Variants in GALNT13 observed in about 807,000 individuals in gnomAD.
The protein encoded by GALNT13 is UDP-GalNAc:polypeptide N-acetylgalactosaminyltransferase 13.
GALNT13 carries 28 observed loss-of-function variants against 64.2 expected under a neutral mutation model. The ratio of observed to expected loss-of-function variants is 0.44; its 90% CI spans 0.32 to 0.60. GALNT13 has a LOEUF of 0.60. Ranked by LOEUF, GALNT13 falls within the 20% of genes least tolerant of loss-of-function variation. The pLI, the probability that GALNT13 is intolerant of heterozygous loss-of-function variation, is 0.05. For synonymous variants in GALNT13, 214 were observed against 224.6 expected, an observed-to-expected ratio of 0.95 and a Z score of 0.42; for missense variants, 577 against 669.8, an observed-to-expected ratio of 0.86 and a Z score of 1.53.
At chr2:153,697,799 G>A in the GALNT13 span, among the ~76,000 whole-genome samples, 1 of 152,108 alleles carries the variant, frequency 6.6e-6, no homozygotes, top group Non-Finnish European at 1.5e-5. Flanking sequence ...TGAACCTAGG[G>A]GTGACATGAT....
chr2:153,189,540 G>A, the GALNT13 span, among the ~76,000 whole-genome samples: 1 of 152,080 alleles, frequency 6.6e-6, no homozygotes, highest in African/African-American at 2.4e-5. Context: ...TGGCAATTGT[G>A]AATAGTGTTA....
the GALNT13 span, among the ~76,000 whole-genome samples, chr2:153,262,076 A>G: frequency 2.0e-5 from 3 of 152,150 alleles, no homozygotes; most frequent in African/African-American, 7.2e-5. Context: ...GCTGGTATCT[A>G]AGATGCAAGA....
At chr2:153,268,684 A>G in the GALNT13 span, among the ~76,000 whole-genome samples, 1 of 152,244 alleles carries the variant, frequency 6.6e-6, no homozygotes, top group Non-Finnish European at 1.5e-5. Flanking sequence ...CCACCTCTGC[A>G]GCAGACTTCT....
the GALNT13 span, among the ~76,000 whole-genome samples, chr2:153,354,980 C>T: frequency 6.6e-6 from 1 of 152,088 alleles, no homozygotes; most frequent in Admixed American, 6.6e-5. Flanking sequence ...CAGTTATTTT[C>T]TGAACTGAAA....
At chr2:154,423,739 G>T (rs1164273775) in intron 11 of GALNT13, among the ~76,000 whole-genome samples, 1 of 152,100 alleles carries the variant, frequency 6.6e-6, no homozygotes, top group Non-Finnish European at 1.5e-5. Flanking sequence ...ACTCCAGGAG[G>T]TATAACATAA....
the GALNT13 span, among the ~76,000 whole-genome samples, chr2:153,170,338 A>G: frequency 6.6e-6 from 1 of 152,212 alleles, no homozygotes; most frequent in Non-Finnish European, 1.5e-5. Context: ...TTTTATCCAA[A>G]GAAAGCCACA....
chr2:153,787,282 C>T, the GALNT13 span, among the ~76,000 whole-genome samples: 33,100 of 151,916 alleles, frequency 0.22, 4,061 homozygotes, highest in Non-Finnish European at 0.28. Context: ...ACCAACTGAC[C>T]GCTACACTTA....
chr2:153,592,478 A>G, the GALNT13 span, among the ~76,000 whole-genome samples: 1 of 152,180 alleles, frequency 6.6e-6, no homozygotes, highest in African/African-American at 2.4e-5. Flanking sequence ...GATAAAGAAA[A>G]TGTGGCATAT....
intron 3 of GALNT13, among the ~76,000 whole-genome samples, chr2:153,981,057 A>G (rs139593700): frequency 4.3e-4 from 65 of 152,256 alleles, no homozygotes; most frequent in East Asian, 5.8e-4. Flanking sequence ...ATAGTGAGGT[A>G]TCTCAGTTCA....
chr2:153,579,970 T>G, the GALNT13 span, among the ~76,000 whole-genome samples: 48 of 152,264 alleles, frequency 3.2e-4, no homozygotes, highest in African/African-American at 1.1e-3. Flanking sequence ...TTACAGAATT[T>G]TATGTAATTC....
chr2:154,056,589 C>A (rs1221999280), intron 3 of GALNT13, among the ~76,000 whole-genome samples: 1 of 152,030 alleles, frequency 6.6e-6, no homozygotes, highest in African/African-American at 2.4e-5. Flanking sequence ...ACAGTAGAGC[C>A]ATCATTAAAT....
chr2:154,318,408 G>A (rs918970632), intron 9 of GALNT13, among the ~76,000 whole-genome samples: 1 of 152,186 alleles, frequency 6.6e-6, no homozygotes, highest in East Asian at 1.9e-4. Context: ...ACCACAGGAT[G>A]TGGTAGCTTA....
chr2:154,048,140 GA>G (rs1304666128), intron 3 of GALNT13, among the ~76,000 whole-genome samples: 1 of 152,150 alleles, frequency 6.6e-6, no homozygotes, highest in East Asian at 1.9e-4. Context: ...AGAGCAGCAG[GA>G]AGAGAGAGAT....
At chr2:153,783,369 A>G in the GALNT13 span, among the ~76,000 whole-genome samples, 3 of 152,046 alleles carry the variant, frequency 2.0e-5, no homozygotes, top group Admixed American at 2.0e-4. Flanking sequence ...TAACAAAATA[A>G]AAGAATCATC....
chr2:153,939,747 G>A (rs1443439982), intron 2 of GALNT13, among the ~76,000 whole-genome samples: 2 of 152,138 alleles, frequency 1.3e-5, no homozygotes, highest in Non-Finnish European at 2.9e-5. Flanking sequence ...GTTACTACTA[G>A]TAATAATAAC....
At chr2:153,508,919 G>A in the GALNT13 span, among the ~76,000 whole-genome samples, 23 of 152,112 alleles carry the variant, frequency 1.5e-4, no homozygotes, top group African/African-American at 5.6e-4. Context: ...CAAGTTTCTG[G>A]GTTCTCTTCC....
chr2:153,118,471 A>C, the GALNT13 span, among the ~76,000 whole-genome samples: 1 of 152,028 alleles, frequency 6.6e-6, no homozygotes, highest in Non-Finnish European at 1.5e-5. Context: ...GCTCTTTTGG[A>C]TCTTCCCACA....
chr2:153,621,247 A>G, the GALNT13 span, among the ~76,000 whole-genome samples: 722 of 152,288 alleles, frequency 4.7e-3, 4 homozygotes, highest in African/African-American at 0.016. Flanking sequence ...GTGTATTCCA[A>G]TGATGTTACC....
At chr2:153,080,466 G>A in the GALNT13 span, among the ~76,000 whole-genome samples, 1 of 152,084 alleles carries the variant, frequency 6.6e-6, no homozygotes, top group East Asian at 1.9e-4. Context: ...TCAGAGATAA[G>A]GCTCTTTTTG....
Sources: allele counts gnomAD v4.1 joint callset (sites outside exome capture counted in the v4.1 genomes callset), GRCh38; gene constraint gnomAD v4.1.1; transcripts MANE v1.5; gene names NCBI Gene and HGNC (gene_info 2026-07-23, HGNC 2026-07-21).